Variants in TEKT1 observed in about 807,000 individuals in gnomAD.
TEKT1 encodes tektin 1.
TEKT1 carries 32 observed loss-of-function variants against 34.8 expected under a neutral mutation model. That is an observed-to-expected ratio of 0.92 (90% CI 0.69 to 1.23). The LOEUF (loss-of-function observed/expected upper bound fraction) is 1.23. Among genes scored for constraint, TEKT1 ranks in the 50% most tolerant of loss-of-function variants. The probability of loss-of-function intolerance (pLI) is 0.00; values close to 1 mark genes in which losing one functional copy is unlikely to be tolerated. For missense variants in TEKT1, 492 were observed against 518.5 expected, an observed-to-expected ratio of 0.95 and a Z score of 0.50; for synonymous variants, 207 against 199.8, an observed-to-expected ratio of 1.04 and a Z score of -0.30.
At chr17:6,825,503 A>G (rs1403745737) in intron 2 of TEKT1, among the ~76,000 whole-genome samples, 5 of 152,194 alleles carry the variant, frequency 3.3e-5, no homozygotes, top group African/African-American at 7.2e-5. Context: ...TTATTGAAAT[A>G]TCAAAAACCT....
rs559591024 is a variant in TEKT1, at chr17:6,809,353, T to C, written c.852+3478A>G. The stretch of plus-strand genomic sequence containing the variant: ...TTCAAGCAATTCTCCTGCCTCAGCC[T>C]CCCAAATAGCTGGGATTACAGGCAG... On this transcript the variant is annotated intron_variant, in intron 6 of 7. Transcript: ENST00000338694. Among the ~76,000 whole-genome samples, 5 of 152,250 alleles carry C rather than the reference T, an allele frequency of 3.3e-5. 1 individual carries two copies. The highest frequency in any genetic ancestry group is 1.2e-4 in the African/African-American group (5 of 41,558).
At chr17:6,800,536 G>A (rs189877088) in intron 7 of TEKT1, among the ~76,000 whole-genome samples, 1 of 152,226 alleles carries the variant, frequency 6.6e-6, no homozygotes, top group South Asian at 2.1e-4. Context: ...CTGGATTTGG[G>A]CTTCTTTAGA....
At chr17:6,818,893 AGAGAG>A (rs1977046001) in intron 3 of TEKT1, among the ~76,000 whole-genome samples, 1 of 152,198 alleles carries the variant, frequency 6.6e-6, no homozygotes, top group South Asian at 2.1e-4. Flanking sequence ...TTTGAATGTA[AGAGAG>A]AAAGAAATCG....
intron 2 of TEKT1, among the ~76,000 whole-genome samples, chr17:6,820,097 C>T (rs1363287764): frequency 2.6e-5 from 4 of 152,122 alleles, no homozygotes; most frequent in Non-Finnish European, 4.4e-5. Flanking sequence ...AACCAACTCA[C>T]ACAACATACT....
At chr17:6,825,257 T>C (rs1351044932) in intron 2 of TEKT1, among the ~76,000 whole-genome samples, 1 of 152,190 alleles carries the variant, frequency 6.6e-6, no homozygotes, top group African/African-American at 2.4e-5. Flanking sequence ...AAGTGATCAT[T>C]AGATTGGAAA....
At chr17:6,810,036 A>G (rs1976906056) in intron 6 of TEKT1, among the ~76,000 whole-genome samples, 1 of 152,188 alleles carries the variant, frequency 6.6e-6, no homozygotes, top group African/African-American at 2.4e-5. Context: ...CTAAGAGTAT[A>G]TGTTTAGCCT....
chr17:6,825,790 G>A (rs1904378112), intron 2 of TEKT1, among the ~76,000 whole-genome samples: 1 of 152,182 alleles, frequency 6.6e-6, no homozygotes, highest in Non-Finnish European at 1.5e-5. Context: ...CAGTAGTGTT[G>A]TATATAGCTG....
chr17:6,829,705 T>C (rs573195953), intron 2 of TEKT1, among the ~76,000 whole-genome samples: 105 of 152,280 alleles, frequency 6.9e-4, no homozygotes, highest in Non-Finnish European at 1.3e-3. Flanking sequence ...GCAAATACTA[T>C]GTAAATAGCT....
chr17:6,802,345 AACTT>A (rs1949922875), intron 6 of TEKT1, among the ~76,000 whole-genome samples: 1 of 152,172 alleles, frequency 6.6e-6, no homozygotes, highest in African/African-American at 2.4e-5. Flanking sequence ...TCCTACTTCA[AACTT>A]ACTTAAAGTC....
At chr17:6,821,193 T>C (rs955193229) in intron 2 of TEKT1, among the ~76,000 whole-genome samples, 2 of 152,170 alleles carry the variant, frequency 1.3e-5, no homozygotes, top group African/African-American at 4.8e-5. Flanking sequence ...TTTGATATGG[T>C]TTGGCTCTGT....
At chr17:6,800,492 C>A (rs1359046221) in intron 7 of TEKT1, among the ~76,000 whole-genome samples, 1 of 152,236 alleles carries the variant, frequency 6.6e-6, no homozygotes, top group Admixed American at 6.5e-5. Flanking sequence ...TTATGAAATG[C>A]TGATGTTTAA....
intron 6 of TEKT1, among the ~76,000 whole-genome samples, chr17:6,801,491 C>T (rs975337720): frequency 2.6e-5 from 4 of 152,024 alleles, no homozygotes; most frequent in African/African-American, 7.3e-5. Context: ...GGGAAGATCA[C>T]GAGGTTAGGA....
chr17:6,800,269 C>T, intron 7 of TEKT1, 35 bp from the exon 8 acceptor site: 1 of 1,592,574 alleles, frequency 6.3e-7, no homozygotes, highest in Non-Finnish European at 8.6e-7. Flanking sequence ...AGAATAATTT[C>T]TCTCTATGCA....
chr17:6,831,380 T>G (rs965505025), intron 1 of TEKT1, among the ~76,000 whole-genome samples: 2 of 152,164 alleles, frequency 1.3e-5, no homozygotes, highest in Admixed American at 1.3e-4. Context: ...TAGAGTCAGA[T>G]CTTGACTAGG....
chr17:6,804,755 G>A (rs1034055528), intron 6 of TEKT1, among the ~76,000 whole-genome samples: 12 of 152,156 alleles, frequency 7.9e-5, no homozygotes, highest in Non-Finnish European at 1.6e-4. Context: ...TTATATGCTG[G>A]ATTATGTTTA....
chr17:6,810,863 C>A (rs1442761500), intron 6 of TEKT1, among the ~76,000 whole-genome samples: 1 of 152,144 alleles, frequency 6.6e-6, no homozygotes, highest in South Asian at 2.1e-4. Flanking sequence ...CTCAGCCTCC[C>A]GAGTAGCTGT....
chr17:6,830,396 G>T lies in TEKT1; in HGVS notation c.-17-3C>A. 1 of 1,535,156 alleles carries T rather than the reference G, an allele frequency of 6.5e-7. No homozygotes were observed. The highest frequency in any genetic ancestry group is 8.7e-7 in the Non-Finnish European group (1 of 1,144,690). On this transcript the variant is annotated splice_polypyrimidine_tract_variant and splice_region_variant and intron_variant, in intron 1 of 7. Coordinates refer to ENST00000338694, the MANE Select transcript of TEKT1 (RefSeq NM_053285.2). ...AGCCATTTGAGGTTTCCAAATTCCT[G>T]ATCAAAAGCAGACTCTTTTAGATTA...
At position 6,798,517 on chromosome 17, in the gene TEKT1, G is replaced by A. The variant is rs1976724554; in HGVS notation, c.*1510C>T. 1 of 152,288 alleles carries A rather than the reference G, an allele frequency of 6.6e-6. No individual in the cohort carries two copies. Among genetic ancestry groups the A allele is most frequent in the Admixed American group, 6.5e-5 (1 of 15,292 alleles). The allele number at this position is 152,288 out of a possible 1,614,324, so 9.4% of individuals were successfully genotyped here. ...CCAGAGGCTTCCCAGTGAGCAGAGA[G>A]GGGCCTCCCTCCTTGATTGAGGCAT... On this transcript the variant is annotated 3_prime_UTR_variant, in exon 8 of 8. Transcript: ENST00000338694.
At chr17:6,807,256 G>C (rs924800134) in intron 6 of TEKT1, among the ~76,000 whole-genome samples, 3 of 152,036 alleles carry the variant, frequency 2.0e-5, no homozygotes, top group African/African-American at 4.8e-5. Flanking sequence ...CCAGTTGATC[G>C]AATTGGCTAC....
Sources: gnomAD v4.1 joint callset for allele counts (sites outside exome capture counted in the v4.1 genomes callset) on GRCh38, gnomAD v4.1.1 for gene constraint, MANE v1.5 for transcripts, NCBI Gene and HGNC (gene_info 2026-07-23, HGNC 2026-07-21) for gene names.